Variants in XPA observed in about 807,000 individuals in gnomAD.
XPA encodes the protein DNA repair protein complementing XP-A cells.
XPA carries 27 observed loss-of-function variants against 35.7 expected under a neutral mutation model. That is an observed-to-expected ratio of 0.76 (90% CI 0.56 to 1.04). XPA has a LOEUF of 1.04. XPA is among the 50% of genes least tolerant of loss of function. XPA has a pLI of 0.00. For missense variants in XPA, 354 were observed against 342.7 expected (o/e 1.03, Z -0.26); for synonymous variants, 133 against 118.4 (o/e 1.12, Z -0.80).
intron 5 of XPA, among the ~76,000 whole-genome samples, chr9:97,677,643 C>T (rs1828407369): frequency 6.6e-6 from 1 of 152,114 alleles, no homozygotes; most frequent in Non-Finnish European, 1.5e-5. Context: ...CTGCAGTGAG[C>T]CATGATTGCA....
chr9:97,680,204 A>C (rs1020158888), intron 5 of XPA, among the ~76,000 whole-genome samples: 2 of 152,104 alleles, frequency 1.3e-5, no homozygotes, highest in African/African-American at 4.8e-5. Context: ...ATGTAGAAGA[A>C]CACCATTGTT....
At chr9:97,663,136 C>T in the XPA span, 894 of 1,036,178 alleles carry the variant, frequency 8.6e-4, 8 homozygotes, top group Non-Finnish European at 1.1e-3. Context: ...GTTTGTAAAA[C>T]ATGAAATTTG....
intron 2 of XPA, among the ~76,000 whole-genome samples, chr9:97,692,446 T>G (rs1398049630): frequency 1.3e-5 from 2 of 152,308 alleles, no homozygotes; most frequent in African/African-American, 4.8e-5. Flanking sequence ...GCTTTTTTTG[T>G]AGAATATTAG....
intron 1 of XPA, 114 bp from the exon 2 acceptor site, chr9:97,693,873 TC>T: frequency 1.0e-6 from 1 of 964,516 alleles, no homozygotes; most frequent in Non-Finnish European, 1.6e-6. Context: ...CACAAGGATG[TC>T]CACAATCACT....
rs749081840 is a variant in XPA at position 97,684,911 on chromosome 9, G to A, written c.673+12C>T. On this transcript the variant is annotated intron_variant, in intron 5 of 5. Coordinates refer to ENST00000375128, the MANE Select transcript of XPA (RefSeq NM_000380.4). ...AACACAATCCTTCACGATATAAAATGTGGCCATCTACCTTTTACTTTTTTA... is the reference window on the plus strand; with the variant it reads ...AACACAATCCTTCACGATATAAAATATGGCCATCTACCTTTTACTTTTTTA... 4 of 1,597,094 alleles carry A rather than the reference G, an allele frequency of 2.5e-6. No homozygotes were observed. The East Asian group carries it at 6.7e-5, about 27-fold the overall frequency.
intron 2 of XPA, among the ~76,000 whole-genome samples, chr9:97,693,124 TTCTA>T (rs993894075): frequency 3.3e-5 from 5 of 152,152 alleles, no homozygotes; most frequent in African/African-American, 1.2e-4. Context: ...AATAAAGTGT[TTCTA>T]TCTTTTTCCC....
chr9:97,697,187 G>T lies in XPA; in HGVS notation c.106C>A (p.Leu36Met). Residue 36 changes from leucine (L) to methionine (M), a missense_variant, in exon 1 of 6, where the codon CTG (leucine) becomes ATG (methionine). Transcript: ENST00000375128. Reference protein sequence around the residue: ...ASIERKRQRALMLRQARLAAR... With the variant: ...ASIERKRQRAMMLRQARLAAR... The stretch of plus-strand genomic sequence containing the variant: ...GCCAGCCGGGCCTGGCGCAGCATCA[G>T]TGCCCGCTGCCGCTTCCGCTCGATA... The T allele has an allele frequency of 6.3e-7, 1 of 1,595,780 alleles. No individual in the cohort carries two copies. Among genetic ancestry groups the T allele is most frequent in the Non-Finnish European group, 8.5e-7 (1 of 1,175,514 alleles).
intron 4 of XPA, among the ~76,000 whole-genome samples, chr9:97,685,824 T>C (rs1828700236): frequency 6.6e-6 from 1 of 152,222 alleles, no homozygotes; most frequent in South Asian, 2.1e-4. Flanking sequence ...CTTTAACAAC[T>C]GTGAGTCAAA....
At chr9:97,663,184 C>T in the XPA span, 2 of 660,752 alleles carry the variant, frequency 3.0e-6, no homozygotes, top group Non-Finnish European at 5.3e-6. Context: ...CTAATTCTTT[C>T]AGTGCTATGG....
chr9:97,691,538 C>CA (rs1009319614), intron 2 of XPA, among the ~76,000 whole-genome samples: 7 of 151,854 alleles, frequency 4.6e-5, no homozygotes, highest in Admixed American at 2.0e-4. Flanking sequence ...CCTGTCTCTA[C>CA]AAAAAAAATC....
intron 5 of XPA, chr9:97,682,362 G>A (rs1169544454): frequency 1.9e-6 from 1 of 518,892 alleles, no homozygotes; most frequent in Admixed American, 1.9e-5. Flanking sequence ...AGCTCCTTGT[G>A]TCTAATCTCT....
At chr9:97,695,991 T>C (rs769419366) in intron 1 of XPA, among the ~76,000 whole-genome samples, 1 of 152,222 alleles carries the variant, frequency 6.6e-6, no homozygotes, top group African/African-American at 2.4e-5. Context: ...GAATCATGAC[T>C]ATGAATTAAT....
chr9:97,662,007 T>G, the XPA span: 1 of 1,500,640 alleles, frequency 6.7e-7, no homozygotes, highest in Non-Finnish European at 9.3e-7. Context: ...TTGCTGTGCT[T>G]ACATTTTTCT....
the XPA span, chr9:97,669,853 A>T: frequency 1.4e-6 from 1 of 711,278 alleles, no homozygotes; most frequent in South Asian, 1.5e-5. Flanking sequence ...ACCATTGCTC[A>T]TCAGAATATT....
the XPA span, chr9:97,662,249 T>G: frequency 1.2e-6 from 1 of 811,270 alleles, no homozygotes; most frequent in Non-Finnish European, 2.0e-6. Flanking sequence ...AAGATCTTAA[T>G]AGTGTATAAT....
the XPA span, among the ~76,000 whole-genome samples, chr9:97,660,187 T>C: frequency 3.3e-5 from 5 of 152,294 alleles, no homozygotes; most frequent in Admixed American, 6.5e-5. Context: ...GCAGGTGTAA[T>C]ATGACTGTCC....
chr9:97,666,814 T>C, the XPA span: 3 of 1,610,556 alleles, frequency 1.9e-6, no homozygotes, highest in Non-Finnish European at 2.5e-6. Flanking sequence ...TGAACAAACA[T>C]GTCCTGAAGA....
In XPA at chr9:97,697,183, A is replaced by T. The variant is rs1479271208; in HGVS notation, c.110T>A (p.Met37Lys). The T allele has an allele frequency of 6.3e-7, 1 of 1,594,478 alleles. No homozygotes were observed. The highest frequency in any genetic ancestry group is 8.5e-7 in the Non-Finnish European group (1 of 1,174,766). ...SIERKRQRAL[M>K]LRQARLAARP... The stretch of plus-strand genomic sequence containing the variant: ...GGCAGCCAGCCGGGCCTGGCGCAGC[A>T]TCAGTGCCCGCTGCCGCTTCCGCTC... Residue 37 changes from methionine to lysine, a missense_variant, in exon 1 of 6, where the codon ATG becomes AAG. By Grantham distance (95) the Met-to-Lys change is moderately conservative (BLOSUM62 -1). Transcript: ENST00000375128.
At chr9:97,658,660 T>C in the XPA span, 1 of 1,611,720 alleles carries the variant, frequency 6.2e-7, no homozygotes, top group Non-Finnish European at 8.5e-7. Flanking sequence ...CATCAGCGTA[T>C]ATTAGATATT....
Sources: gnomAD v4.1 joint callset for allele counts (sites outside exome capture counted in the v4.1 genomes callset) on GRCh38, gnomAD v4.1.1 for gene constraint, MANE v1.5 for transcripts, NCBI Gene and HGNC (gene_info 2026-07-23, HGNC 2026-07-21) for gene names.